GRID2IP: variants seen among roughly 807,000 people sequenced by gnomAD.
GRID2IP encodes Grid2 interacting protein, also known as delphilin.
A neutral mutation model predicts 114.3 loss-of-function variants in GRID2IP; 78 were observed. That is an observed-to-expected ratio of 0.68 (90% CI 0.57 to 0.82). The LOEUF is 0.82. Ranked by LOEUF, GRID2IP falls within the 40% of genes least tolerant of loss-of-function variation. The pLI is 0.00. For synonymous variants in GRID2IP, 809 were observed against 724.0 expected (o/e 1.12, Z -1.89); for missense variants, 1,727 against 1,678.5 (o/e 1.03, Z -0.51).
chr7:6,517,060 C>CTT (rs762838622), intron 7 of GRID2IP, among the ~76,000 whole-genome samples: 1 of 142,862 alleles, frequency 7.0e-6, no homozygotes, highest in African/African-American at 2.6e-5. Flanking sequence ...GTCTTTCTTT[C>CTT]TTTTTTTTTT....
At chr7:6,503,295 G>C (rs1786471046) in intron 16 of GRID2IP, 132 bp from the exon 17 acceptor site, 4 of 1,097,260 alleles carry the variant, frequency 3.6e-6, no homozygotes, top group Non-Finnish European at 5.1e-6. Context: ...GAATAAGCAC[G>C]ATCCCTGGGG....
At chr7:6,527,930 G>A (rs1779547029) in intron 2 of GRID2IP, among the ~76,000 whole-genome samples, 1 of 152,120 alleles carries the variant, frequency 6.6e-6, no homozygotes, top group South Asian at 2.1e-4. Flanking sequence ...GCTAATTTTT[G>A]TATTTTTAGT....
At position 6,511,034 on chromosome 7, in the gene GRID2IP, G is replaced by A; in HGVS notation, c.1429C>T (p.Pro477Ser). 2 of 1,452,710 alleles carry A rather than the reference G, an allele frequency of 1.4e-6. No homozygotes were observed. Among genetic ancestry groups the A allele is most frequent in the Non-Finnish European group, 9.1e-7 (1 of 1,100,698 alleles). The allele number at this position is 1,452,710 out of a possible 1,614,324, so 90.0% of individuals were successfully genotyped here. A position where few individuals can be genotyped will look rare whatever the true frequency, so the allele number is the denominator to read the frequency against. Residue 477 changes from proline to serine, a missense_variant, in exon 9 of 22, where the codon CCG becomes TCG. Coordinates refer to ENST00000457091, the MANE Select transcript of GRID2IP (RefSeq NM_001145118.2). ...GACTCCAGGTCCAGCTCAGGCTCCG[G>A]CTCTGCTGTGGGACATGCAGGGAAC... ...FLGYTAMTAE[P>S]EPELDLESEP... is the part of the protein sequence containing the mutation.
At chr7:6,531,170 G>C in intron 2 of GRID2IP, 3 of 484,896 alleles carry the variant, frequency 6.2e-6, no homozygotes, top group Non-Finnish European at 1.1e-5. Flanking sequence ...GGAATGGAGC[G>C]AGCGCGCCGC....
rs926101150 is a variant in GRID2IP at position 6,516,056 on chromosome 7, C to A, written c.1269-1527G>T. ...AGGTTGCAGTGAGCTGAGATCGCGC[C>A]ATTGCACTCCAGCCTGGGTGACAGA... On this transcript the variant is annotated intron_variant, in intron 7 of 21. Coordinates refer to ENST00000457091, the MANE Select transcript of GRID2IP (RefSeq NM_001145118.2). This position sits in a 1 kb window ranked among gnomAD's most constrained non-coding sequence, Gnocchi z 4.3. 6.6e-6 allele frequency among the ~76,000 whole-genome samples: 1 copy of A among 151,868 alleles called. No homozygotes were observed. The highest frequency in any genetic ancestry group is 1.5e-5 in the Non-Finnish European group (1 of 68,004).
intron 21 of GRID2IP, 83 bp downstream of exon 21, chr7:6,497,981 C>G (rs533239055): frequency 4.8e-6 from 7 of 1,444,732 alleles, no homozygotes; most frequent in Non-Finnish European, 6.5e-6. Context: ...CTTTCCCAGC[C>G]CTGGCTTCAT....
At chr7:6,524,290 A>T (rs1779465124) in intron 4 of GRID2IP, among the ~76,000 whole-genome samples, 2 of 152,224 alleles carry the variant, frequency 1.3e-5, no homozygotes, top group Non-Finnish European at 2.9e-5. Flanking sequence ...GATGACACAC[A>T]GAGTGTGGAA....
rs1786276531 is a variant in GRID2IP, at chr7:6,497,140, C to T, written c.*634G>A. On this transcript the variant is annotated 3_prime_UTR_variant, in exon 22 of 22. Transcript: ENST00000457091. ...CCCAGGCTCCCCACTTCCAATTGGG[C>T]CACCTCTACACAGGTTTGGGTTTGT... Among the ~76,000 whole-genome samples, 2 of 152,214 alleles carry T rather than the reference C, an allele frequency of 1.3e-5. No homozygotes were observed. Among genetic ancestry groups the T allele is most frequent in the Admixed American group, 1.3e-4 (2 of 15,282 alleles).
chr7:6,520,746 T>C lies in GRID2IP; in HGVS notation c.1100A>G (p.Asp367Gly), dbSNP rs1482760194. 1 of 1,550,882 alleles carries C rather than the reference T, an allele frequency of 6.4e-7. No homozygotes were observed. The highest frequency in any genetic ancestry group is 8.7e-7 in the Non-Finnish European group (1 of 1,146,532). The change falls in exon 7 of 22, where the codon GAC becomes GGC. Residue 367 changes from aspartate to glycine, a missense_variant. Physicochemically the swap from Asp to Gly is moderately conservative, Grantham distance 94. Transcript: ENST00000457091. This position sits in a 1 kb window ranked among gnomAD's most constrained non-coding sequence, Gnocchi z 4.6. ...VPFASDSDSLDSPNPSSALTS... is the reference protein window; with the variant it reads ...VPFASDSDSLGSPNPSSALTS... ...GAGCGCCGACGACGGGTTGGGTGAG[T>C]CCAGAGAATCGGAGTCTGCTGGGAC...
Position 6,551,020 on chromosome 7 carries a change from C to T in GRID2IP, c.417G>A (p.Glu139=), listed in dbSNP as rs1236517175. 4 of 1,190,776 alleles carry T rather than the reference C, an allele frequency of 3.4e-6. No homozygotes were observed. The highest frequency in any genetic ancestry group is 4.6e-5 in the Admixed American group (1 of 21,684). The allele number at this position is 1,190,776 out of a possible 1,614,324, so 73.8% of individuals were successfully genotyped here. Residue 139 remains glutamate (E), a synonymous_variant, in exon 1 of 22, where the codon GAG becomes GAA. Transcript: ENST00000457091. Reference sequence around the variant, plus strand: ...CCCCGCGCCTTACCTTGCGGCTGAACTCTTGGGCCTTGCGCCTGCGCTCTC... The same window carrying T: ...CCCCGCGCCTTACCTTGCGGCTGAATTCTTGGGCCTTGCGCCTGCGCTCTC... The part of the protein sequence containing the change: ...VHRERRRKAQ[E]FSRKVDEILG...
At chr7:6,545,503 CT>C (rs1212640925) in intron 1 of GRID2IP, among the ~76,000 whole-genome samples, 2 of 152,298 alleles carry the variant, frequency 1.3e-5, no homozygotes, top group East Asian at 3.9e-4. Context: ...CTCTTGAACT[CT>C]GGAACTGTAT....
intron 18 of GRID2IP, among the ~76,000 whole-genome samples, 175 bp downstream of exon 18, chr7:6,502,611 C>G (rs1786450251): frequency 6.6e-6 from 1 of 151,254 alleles, no homozygotes; most frequent in Non-Finnish European, 1.5e-5. Flanking sequence ...CCCACCCCAC[C>G]CCACCCTTTG....
chr7:6,505,204 C>T (rs1450784335), intron 14 of GRID2IP, among the ~76,000 whole-genome samples: 3 of 152,072 alleles, frequency 2.0e-5, no homozygotes, highest in African/African-American at 7.2e-5. Context: ...TTGTGGATGC[C>T]TCCTGTCTAC....
At chr7:6,498,668 C>A (rs1786330243) in intron 20 of GRID2IP, among the ~76,000 whole-genome samples, 1 of 149,374 alleles carries the variant, frequency 6.7e-6, no homozygotes, top group Non-Finnish European at 1.5e-5. Context: ...ATCATTCCAG[C>A]CTCTACCTCC....
chr7:6,501,172 G>C lies in GRID2IP; in HGVS notation c.3399+609C>G, dbSNP rs977257145. ...GCAAGACCAGCCTGGAAAACATAGTGAACCCATGTCTATACTAAAAATACA... is the reference window on the plus strand; with the variant it reads ...GCAAGACCAGCCTGGAAAACATAGTCAACCCATGTCTATACTAAAAATACA... On this transcript the variant is annotated intron_variant, in intron 20 of 21. Coordinates refer to ENST00000457091, the MANE Select transcript of GRID2IP (RefSeq NM_001145118.2). Among the ~76,000 whole-genome samples, 3 of 152,074 alleles carry C rather than the reference G, an allele frequency of 2.0e-5. No homozygotes were observed. The East Asian group carries it at 5.8e-4, about 30-fold the overall frequency.
At chr7:6,517,145 C>G (rs1050667884) in intron 7 of GRID2IP, among the ~76,000 whole-genome samples, 15 of 151,802 alleles carry the variant, frequency 9.9e-5, no homozygotes, top group Admixed American at 3.9e-4. Flanking sequence ...AGCTCCGCCT[C>G]CCAGGTTCAC....
intron 20 of GRID2IP, among the ~76,000 whole-genome samples, chr7:6,499,100 T>C (rs1786342121): frequency 6.6e-6 from 1 of 152,202 alleles, no homozygotes; most frequent in African/African-American, 2.4e-5. Flanking sequence ...CCAAGCTTGT[T>C]GAATCATCGT....
At position 6,526,614 on chromosome 7, in the gene GRID2IP, C is replaced by G. The variant is rs1348450226; in HGVS notation, c.740G>C (p.Arg247Pro). ...ERPERLLVST[R>P]ASAPPRRPDE... ...GGGGCGGCGCGGCGGGGCGCTGGCG[C>G]GCGTGGACACCAGGAGGCGCTCCGG... Residue 247 changes from arginine (R) to proline (P), a missense_variant, in exon 3 of 22, where the codon CGC (arginine) becomes CCC (proline). Physicochemically the swap from Arg to Pro is moderately radical, Grantham distance 103. Transcript: ENST00000457091. The surrounding 1 kb of genome is among the most constrained non-coding windows in gnomAD (Gnocchi z 7.6). 1 of 1,212,646 alleles carries G rather than the reference C, an allele frequency of 8.2e-7. No homozygotes were observed. Among genetic ancestry groups the G allele is most frequent in the African/African-American group, 1.6e-5 (1 of 62,722 alleles). 75.1% of individuals were successfully genotyped at this position (1,212,646 alleles called of 1,614,324 possible). A position where few individuals can be genotyped will look rare whatever the true frequency, so the allele number is the denominator to read the frequency against.
In GRID2IP at chr7:6,497,088, C is replaced by T. The variant is rs982215319; in HGVS notation, c.*686G>A. On this transcript the variant is annotated 3_prime_UTR_variant, in exon 22 of 22. Coordinates refer to ENST00000457091, the MANE Select transcript of GRID2IP (RefSeq NM_001145118.2). ...CCTCAACACCTCCCCATTCTGTCTG[C>T]TCTACCTTGACCACACCTATTCCAC... is the stretch of plus-strand genomic sequence containing the variant. Among the ~76,000 whole-genome samples, 7 of 152,220 alleles carry T rather than the reference C, an allele frequency of 4.6e-5. No individual in the cohort carries two copies. The highest frequency in any genetic ancestry group is 4.6e-4 in the Admixed American group (7 of 15,282).
Sources: gnomAD v4.1 joint callset for allele counts (sites outside exome capture counted in the v4.1 genomes callset) on GRCh38, gnomAD v4.1.1 for gene constraint, Gnocchi (gnomAD v3.1) non-coding constraint, MANE v1.5 for transcripts, NCBI Gene and HGNC (gene_info 2026-07-23, HGNC 2026-07-21) for gene names.